The following CACNA2D3 variants were observed in gnomAD, a reference collection of about 807,000 sequenced individuals.
CACNA2D3 encodes the protein calcium voltage-gated channel auxiliary subunit alpha2delta 3, also known as voltage-dependent calcium channel subunit alpha-2/delta-3.
Under a neutral mutation model 160.6 loss-of-function variants are expected in CACNA2D3, and 60 were observed. That is an observed-to-expected ratio of 0.37 (90% CI 0.30 to 0.46). The LOEUF (loss-of-function observed/expected upper bound fraction) is 0.46, where lower values mean the gene tolerates loss of function less well. CACNA2D3 is among the 20% of genes least tolerant of loss of function. The probability of loss-of-function intolerance (pLI) is 1.00; values close to 1 mark genes in which losing one functional copy is unlikely to be tolerated. For missense variants in CACNA2D3, 1,205 were observed against 1,365.0 expected, an observed-to-expected ratio of 0.88 and a Z score of 1.85; for synonymous variants, 558 against 492.9, an observed-to-expected ratio of 1.13 and a Z score of -1.75.
intron 13 of CACNA2D3, among the ~76,000 whole-genome samples, chr3:54,806,390 G>C (rs1404362101): frequency 6.6e-6 from 1 of 152,128 alleles, no homozygotes; most frequent in Non-Finnish European, 1.5e-5. Context: ...AAAATCACAA[G>C]CATTCTTATA....
intron 3 of CACNA2D3, among the ~76,000 whole-genome samples, chr3:54,370,208 A>T (rs1215155480): frequency 1.3e-5 from 2 of 152,240 alleles, no homozygotes; most frequent in Non-Finnish European, 2.9e-5. Context: ...AGCAGTATTC[A>T]TATTTTAGCT....
chr3:54,512,466 C>A (rs1701474945), intron 5 of CACNA2D3, among the ~76,000 whole-genome samples: 1 of 152,242 alleles, frequency 6.6e-6, no homozygotes, highest in Non-Finnish European at 1.5e-5. Flanking sequence ...GGGTCCCCCA[C>A]AGTGGCATGG....
intron 27 of CACNA2D3, chr3:54,918,860 G>A (rs1296613856): frequency 1.3e-6 from 2 of 1,562,358 alleles, no homozygotes; most frequent in South Asian, 2.4e-5. Context: ...CAGGTGTCTG[G>A]TGATTCACAG....
chr3:54,909,732 G>A (rs1480470742), intron 27 of CACNA2D3, among the ~76,000 whole-genome samples: 3 of 149,472 alleles, frequency 2.0e-5, no homozygotes, highest in African/African-American at 2.5e-5. Context: ...CTGGGGCCCT[G>A]CAACATTTAC....
intron 13 of CACNA2D3, among the ~76,000 whole-genome samples, chr3:54,808,000 A>G (rs996570616): frequency 2.1e-5 from 3 of 142,178 alleles, no homozygotes; most frequent in African/African-American, 5.2e-5. Context: ...GTGGGAATTG[A>G]ACAATGAGAA....
At chr3:54,911,903 G>A (rs1281567697) in intron 27 of CACNA2D3, among the ~76,000 whole-genome samples, 1 of 152,182 alleles carries the variant, frequency 6.6e-6, no homozygotes, top group African/African-American at 2.4e-5. Context: ...TACAGACATT[G>A]TAGCTACAGA....
At chr3:54,684,862 C>T (rs1700420599) in intron 11 of CACNA2D3, among the ~76,000 whole-genome samples, 1 of 152,126 alleles carries the variant, frequency 6.6e-6, no homozygotes, top group South Asian at 2.1e-4. Context: ...GTGTGATTCT[C>T]AGTCATATAA....
chr3:54,150,296 G>A (rs1015010008), intron 2 of CACNA2D3, among the ~76,000 whole-genome samples: 3 of 152,040 alleles, frequency 2.0e-5, no homozygotes, highest in Admixed American at 6.6e-5. Context: ...AATGTTAAAG[G>A]TCTAAACTTT....
chr3:54,722,613 T>C (rs1182713612), intron 11 of CACNA2D3, among the ~76,000 whole-genome samples: 3 of 152,186 alleles, frequency 2.0e-5, no homozygotes, highest in African/African-American at 7.2e-5. Context: ...GTGCTATTCC[T>C]TTCTGTTTGT....
intron 4 of CACNA2D3, among the ~76,000 whole-genome samples, chr3:54,439,672 G>A (rs1251914712): frequency 6.6e-6 from 1 of 152,170 alleles, no homozygotes; most frequent in Non-Finnish European, 1.5e-5. Context: ...AAGAAGCCAT[G>A]GCCAGGGGAC....
intron 4 of CACNA2D3, among the ~76,000 whole-genome samples, chr3:54,415,079 C>T (rs1410576631): frequency 6.6e-6 from 1 of 152,088 alleles, no homozygotes; most frequent in Non-Finnish European, 1.5e-5. Context: ...CGAAATTATG[C>T]TAGACAAACC....
intron 3 of CACNA2D3, among the ~76,000 whole-genome samples, chr3:54,361,152 A>G (rs1163890740): frequency 6.6e-6 from 1 of 151,874 alleles, no homozygotes; most frequent in Non-Finnish European, 1.5e-5. Flanking sequence ...CATAATCATG[A>G]GTTGACTGTT....
intron 27 of CACNA2D3, among the ~76,000 whole-genome samples, chr3:54,922,320 CTTTT>C (rs199955110): frequency 3.6e-5 from 5 of 137,016 alleles, no homozygotes; most frequent in African/African-American, 1.3e-4. Context: ...GTCCTGGGAA[CTTTT>C]TTTTTTTTTT....
chr3:54,293,110 G>A (rs568771187), intron 2 of CACNA2D3, among the ~76,000 whole-genome samples: 47 of 152,304 alleles, frequency 3.1e-4, no homozygotes, highest in Non-Finnish European at 5.4e-4. Flanking sequence ...CTTATACGAA[G>A]TACCTGGAAT....
intron 11 of CACNA2D3, among the ~76,000 whole-genome samples, chr3:54,652,150 C>G (rs536082321): frequency 6.6e-6 from 1 of 152,152 alleles, no homozygotes; most frequent in African/African-American, 2.4e-5. Context: ...AGCCTCCACA[C>G]GACCGTCACT....
At chr3:55,006,540 G>A (rs1035602568) in intron 32 of CACNA2D3, among the ~76,000 whole-genome samples, 5 of 152,196 alleles carry the variant, frequency 3.3e-5, no homozygotes, top group African/African-American at 1.2e-4. Context: ...GCAAAGTGTG[G>A]TTTCAGGAAA....
In CACNA2D3 at chr3:54,659,260, G is replaced by A. The variant is rs550639062; in HGVS notation, c.1167+17019G>A. 1.3e-3 allele frequency among the ~76,000 whole-genome samples: 191 copies of A among 152,320 alleles called. 1 individual carries two copies. The highest frequency in any genetic ancestry group is 4.3e-3 in the African/African-American group (180 of 41,580). ...GCACTGCGTTTGTTTTCTCCGAAGT[G>A]CCCAGAGTGGTGCCTGGCACACAGT... On this transcript the variant is annotated intron_variant, in intron 11 of 37. Coordinates refer to ENST00000474759, the MANE Select transcript of CACNA2D3 (RefSeq NM_018398.3).
intron 2 of CACNA2D3, among the ~76,000 whole-genome samples, chr3:54,300,374 C>T (rs559041547): frequency 6.6e-6 from 1 of 152,324 alleles, no homozygotes; most frequent in African/African-American, 2.4e-5. Context: ...CCCAAATGGC[C>T]CTTGCCATTC....
At chr3:54,885,415 C>G in intron 22 of CACNA2D3, 74 bp from the exon 23 acceptor site, 1 of 1,603,420 alleles carries the variant, frequency 6.2e-7, no homozygotes, top group Non-Finnish European at 8.5e-7. Context: ...CCCAGTTTTC[C>G]TGATTCCAAG....
Sources: allele counts gnomAD v4.1 joint callset (sites outside exome capture counted in the v4.1 genomes callset), GRCh38; gene constraint gnomAD v4.1.1; transcripts MANE v1.5; gene names NCBI Gene and HGNC (gene_info 2026-07-23, HGNC 2026-07-21).